The following ABCA13 variants were observed in gnomAD, a reference collection of about 807,000 sequenced individuals.
ABCA13 encodes the protein ATP-binding cassette sub-family A member 13.
ABCA13 carries 476 observed loss-of-function variants against 478.7 expected under a neutral mutation model. The ratio of observed to expected loss-of-function variants is 0.99; its 90% CI spans 0.92 to 1.07. The LOEUF (loss-of-function observed/expected upper bound fraction) is 1.07. ABCA13 is among the 50% of genes least tolerant of loss of function. The probability of loss-of-function intolerance (pLI) is 0.00; values close to 1 mark genes in which losing one functional copy is unlikely to be tolerated. For synonymous variants in ABCA13, 2,252 were observed against 2,158.9 expected, an observed-to-expected ratio of 1.04 and a Z score of -1.20; for missense variants, 6,060 against 5,910.6, an observed-to-expected ratio of 1.03 and a Z score of -0.83.
intron 43 of ABCA13, among the ~76,000 whole-genome samples, chr7:48,466,338 T>C: frequency 6.6e-6 from 1 of 152,218 alleles, no homozygotes; most frequent in East Asian, 1.9e-4. Context: ...GTTTTGGCTT[T>C]CAGTAATGCT....
intron 54 of ABCA13, 123 bp downstream of exon 54, chr7:48,524,563 A>T (rs1184657114): frequency 1.2e-6 from 1 of 856,174 alleles, no homozygotes; most frequent in African/African-American, 1.8e-5. Context: ...CAAATTTTAG[A>T]AATTCCTACA....
intron 59 of ABCA13, among the ~76,000 whole-genome samples, chr7:48,638,673 G>A (rs1177952862): frequency 2.6e-5 from 4 of 152,116 alleles, no homozygotes; most frequent in African/African-American, 7.2e-5. Context: ...GCAGTGAAGG[G>A]ACATGGTTGT....
intron 54 of ABCA13, among the ~76,000 whole-genome samples, chr7:48,525,670 C>CTTTTTTTTTTT (rs538127881): frequency 1.5e-5 from 1 of 68,306 alleles, no homozygotes; most frequent in African/African-American, 5.0e-5. Context: ...TTTAGATGCG[C>CTTTTTTTTTTT]TTTTTTTTTT....
intron 19 of ABCA13, among the ~76,000 whole-genome samples, chr7:48,287,493 G>C (rs185246122): frequency 6.6e-6 from 1 of 152,192 alleles, no homozygotes; most frequent in Non-Finnish European, 1.5e-5. Flanking sequence ...AGGGGGAGGA[G>C]AGTCATGACT....
At chr7:48,531,616 A>G (rs1245740100) in intron 55 of ABCA13, among the ~76,000 whole-genome samples, 1 of 151,802 alleles carries the variant, frequency 6.6e-6, no homozygotes, top group African/African-American at 2.4e-5. Context: ...GATTCTACCC[A>G]TCCATGAGCA....
intron 58 of ABCA13, among the ~76,000 whole-genome samples, chr7:48,604,533 G>A (rs577569705): frequency 6.6e-6 from 1 of 152,280 alleles, no homozygotes; most frequent in East Asian, 1.9e-4. Context: ...CCATGTAGTT[G>A]TGCGGTTTTG....
chr7:48,505,603 T>A (rs182076432), intron 48 of ABCA13, among the ~76,000 whole-genome samples: 4 of 152,288 alleles, frequency 2.6e-5, no homozygotes, highest in Non-Finnish European at 5.9e-5. Flanking sequence ...CTCCAATCAC[T>A]GACACAACCA....
chr7:48,199,152 A>G (rs1798327563), intron 3 of ABCA13, among the ~76,000 whole-genome samples: 1 of 152,222 alleles, frequency 6.6e-6, no homozygotes, highest in East Asian at 1.9e-4. Flanking sequence ...AAATGTTGAC[A>G]TATATGATCT....
intron 29 of ABCA13, among the ~76,000 whole-genome samples, chr7:48,339,668 A>G (rs1806816029): frequency 6.6e-6 from 1 of 152,280 alleles, no homozygotes; most frequent in Admixed American, 6.5e-5. Flanking sequence ...AACTTTTCCT[A>G]CAAGTGTGTT....
chr7:48,212,348 C>A (rs1785794012), intron 3 of ABCA13, among the ~76,000 whole-genome samples: 1 of 152,140 alleles, frequency 6.6e-6, no homozygotes, highest in Non-Finnish European at 1.5e-5. Flanking sequence ...GCAAGACTGT[C>A]CTTTCTATCT....
rs757398461 is a variant in ABCA13 at position 48,275,744 on chromosome 7, C to T, written c.6078C>T (p.Phe2026=). Residue 2026 remains phenylalanine, a synonymous_variant, in exon 17 of 62, where the codon TTC becomes TTT. Coordinates refer to ENST00000435803, the MANE Select transcript of ABCA13 (RefSeq NM_152701.5). Reference sequence around the variant, plus strand: ...GTACGCATAATCTACTCTCTTTATTCATGATGCTCCAGAATGCAAATGTCA... The same window carrying T: ...GTACGCATAATCTACTCTCTTTATTTATGATGCTCCAGAATGCAAATGTCA... The part of the protein sequence containing the change: ...EKSTHNLLSL[F]MMLQNANVTG... 1.0e-5 allele frequency: 16 copies of T among 1,608,016 alleles called. No individual in the cohort carries two copies. Among genetic ancestry groups the T allele is most frequent in the Non-Finnish European group, 1.4e-5 (16 of 1,176,682 alleles).
intron 43 of ABCA13, among the ~76,000 whole-genome samples, chr7:48,460,384 G>A (rs1826119553): frequency 1.3e-5 from 2 of 152,150 alleles, no homozygotes; most frequent in Non-Finnish European, 2.9e-5. Flanking sequence ...CCTTCCTTGT[G>A]TCTCTAGCTT....
At chr7:48,579,933 G>T (rs956641098) in intron 55 of ABCA13, among the ~76,000 whole-genome samples, 3 of 152,160 alleles carry the variant, frequency 2.0e-5, no homozygotes, top group African/African-American at 7.2e-5. Flanking sequence ...CTTTTCAAAA[G>T]AAGACATTTA....
chr7:48,616,191 T>A (rs1234824803), intron 59 of ABCA13, among the ~76,000 whole-genome samples: 1 of 152,192 alleles, frequency 6.6e-6, no homozygotes, highest in Admixed American at 6.5e-5. Context: ...TATGTAAATT[T>A]TAAATACTTT....
Position 48,471,602 on chromosome 7 carries a change from A to T in ABCA13, c.12975+3A>T, listed in dbSNP as rs1189646993. 4 of 1,558,134 alleles carry T rather than the reference A, an allele frequency of 2.6e-6. No individual in the cohort carries two copies. The highest frequency in any genetic ancestry group is 2.6e-6 in the Non-Finnish European group (3 of 1,149,636). ...TCCAGGATTCATGTGGCTGCCTGGT[A>T]GGTTTCTGCAGCATTTTTGATCTTT... On this transcript the variant is annotated splice_donor_region_variant and intron_variant, in intron 45 of 61. Transcript: ENST00000435803.
intron 38 of ABCA13, among the ~76,000 whole-genome samples, chr7:48,397,816 T>C (rs1817048354): frequency 6.6e-6 from 1 of 152,166 alleles, no homozygotes; most frequent in Non-Finnish European, 1.5e-5. Flanking sequence ...TAAGCCTGAA[T>C]TGATGGAAAA....
chr7:48,230,986 C>T (rs571882578), intron 7 of ABCA13, among the ~76,000 whole-genome samples: 5 of 152,060 alleles, frequency 3.3e-5, no homozygotes, highest in African/African-American at 1.2e-4. Context: ...AGGGGAACAA[C>T]ATACACCAGG....
chr7:48,637,390 A>AAAAAAAAAAAAAAAAAC (rs1794742351), intron 59 of ABCA13, among the ~76,000 whole-genome samples: 1 of 147,208 alleles, frequency 6.8e-6, no homozygotes, highest in South Asian at 2.1e-4. Flanking sequence ...GCAAAAAAAA[A>AAAAAAAAAAAAAAAAAC]AAAAAAAAAA....
At chr7:48,422,680 A>G (rs570644487) in intron 41 of ABCA13, among the ~76,000 whole-genome samples, 326 of 152,340 alleles carry the variant, frequency 2.1e-3, no homozygotes, top group Admixed American at 4.5e-3. Flanking sequence ...TGATAGTTCT[A>G]GGACAGGCTG....
Sources: allele counts gnomAD v4.1 joint callset (sites outside exome capture counted in the v4.1 genomes callset), GRCh38; gene constraint gnomAD v4.1.1; transcripts MANE v1.5; gene names NCBI Gene and HGNC (gene_info 2026-07-23, HGNC 2026-07-21).